Variants in MMP12 observed in about 807,000 individuals in gnomAD.
MMP12 encodes the protein macrophage metalloelastase.
Under a neutral mutation model 45.2 loss-of-function variants are expected in MMP12, and 51 were observed. The ratio of observed to expected loss-of-function variants is 1.13; its 90% CI spans 0.90 to 1.42. The LOEUF (loss-of-function observed/expected upper bound fraction) is 1.42, where lower values mean the gene tolerates loss of function less well. Among genes scored for constraint, MMP12 ranks in the 40% most tolerant of loss-of-function variants. MMP12 has a pLI of 0.00. For missense variants in MMP12, 530 were observed against 570.8 expected, an observed-to-expected ratio of 0.93 and a Z score of 0.73; for synonymous variants, 210 against 193.3, an observed-to-expected ratio of 1.09 and a Z score of -0.72.
intron 4 of MMP12, among the ~76,000 whole-genome samples, chr11:102,868,699 C>T (rs1859441305): frequency 6.6e-6 from 1 of 152,186 alleles, no homozygotes; most frequent in African/African-American, 2.4e-5. Context: ...GATGAGGAAA[C>T]AGTATTTATA....
rs556828211 is a variant in MMP12 at position 102,871,255 on chromosome 11, A to C, written c.625+339T>G. On this transcript the variant is annotated intron_variant, in intron 4 of 9. Coordinates refer to ENST00000571244, the MANE Select transcript of MMP12 (RefSeq NM_002426.6). The stretch of plus-strand genomic sequence containing the variant: ...AAAAAAAAAAACTTACCACCTAATT[A>C]ACAGCTTTTACCTTTTCATATTATG... Among the ~76,000 whole-genome samples, 8 of 152,208 alleles carry C rather than the reference A, an allele frequency of 5.3e-5. No homozygotes were observed. In the East Asian group the frequency reaches 1.5e-3, roughly 29 times the overall value.
At position 102,865,287 on chromosome 11, in the gene MMP12, GAC is replaced by G. The variant is rs1472725639; in HGVS notation, c.1205+487_1205+488del. ...AAATGTAGACAATTGAGACAACAGA[GAC>G]AGACACTCAAATGAGCTCCTATCCT... On this transcript the variant is annotated intron_variant, in intron 8 of 9. Transcript: ENST00000571244. This position sits in a 1 kb window ranked among gnomAD's most constrained non-coding sequence, Gnocchi z 4.1. Among the ~76,000 whole-genome samples, 3 of 152,180 alleles carry G rather than the reference GAC, an allele frequency of 2.0e-5. No individual in the cohort carries two copies. Among genetic ancestry groups the G allele is most frequent in the Non-Finnish European group, 4.4e-5 (3 of 68,036 alleles).
Position 102,865,636 on chromosome 11 carries a change from A to T in MMP12, c.1205+140T>A. 1.8e-6 allele frequency: 1 copy of T among 551,502 alleles called. No individual in the cohort carries two copies. Among genetic ancestry groups the T allele is most frequent in the Non-Finnish European group, 2.9e-6 (1 of 339,490 alleles). 34.2% of individuals were successfully genotyped at this position (551,502 alleles called of 1,614,324 possible). On this transcript the variant is annotated intron_variant, in intron 8 of 9. Transcript: ENST00000571244. The surrounding 1 kb of genome is among the most constrained non-coding windows in gnomAD (Gnocchi z 4.1). Reference sequence around the variant, plus strand: ...GAACTAAGTTGACAATAACTATTTCAGTCCTATATTCTCTTAATCTCTCTC... The same window carrying T: ...GAACTAAGTTGACAATAACTATTTCTGTCCTATATTCTCTTAATCTCTCTC...
At position 102,873,106 on chromosome 11, in the gene MMP12, A is replaced by T. The variant is rs201052180; in HGVS notation, c.109T>A (p.Leu37Ile). The T allele has an allele frequency of 6.8e-6, 11 of 1,611,198 alleles. No homozygotes were observed. The highest frequency in any genetic ancestry group is 8.5e-6 in the Non-Finnish European group (10 of 1,178,782). Residue 37 changes from leucine (L) to isoleucine (I), a missense_variant, in exon 2 of 10, where the codon TTA (leucine) becomes ATA (isoleucine). Physicochemically the swap from Leu to Ile is conservative, Grantham distance 5. Transcript: ENST00000571244. ...KNNVLFGERY[L>I]EKFYGLEINK... is the part of the protein sequence containing the mutation. Reference sequence around the variant, plus strand: ...ATCTCAAGGCCATAAAATTTTTCTAAGTATCTCTGGAAAAAAAAATACATT... The same window carrying T: ...ATCTCAAGGCCATAAAATTTTTCTATGTATCTCTGGAAAAAAAAATACATT...
chr11:102,866,318 T>TA lies in MMP12; in HGVS notation c.1041dup (p.Lys348Ter), dbSNP rs781869098. The TA allele has an allele frequency of 6.7e-5, 106 of 1,574,526 alleles. No individual in the cohort carries two copies. The South Asian group carries it at 1.1e-3, about 17-fold the overall frequency. ...CAAAACTAAAGATTAGAATTACCTT[T>TA]AAAAAGAAAAACTTGATTTCTGGCT... On this transcript the variant is annotated frameshift_variant, in exon 7 of 10. Transcript: ENST00000571244. LOFTEE classifies it high-confidence loss of function.
At chr11:102,867,172 T>C in intron 6 of MMP12, 98 bp downstream of exon 6, 6 of 1,149,106 alleles carry the variant, frequency 5.2e-6, no homozygotes, top group Non-Finnish European at 7.1e-6. Flanking sequence ...GCTTACAAGT[T>C]TCATCTACTT....
rs782695441 is a variant in MMP12, at chr11:102,865,752, G to A, written c.1205+24C>T. On this transcript the variant is annotated intron_variant, in intron 8 of 9. Transcript: ENST00000571244. The surrounding 1 kb of genome is among the most constrained non-coding windows in gnomAD (Gnocchi z 4.1). ...TATCTGTTTCACAATCTGAGGGGTC[G>A]AATGACCAACCATTAAAACTCACCT... The A allele has an allele frequency of 1.3e-5, 21 of 1,585,134 alleles. No individual in the cohort carries two copies. Among genetic ancestry groups the A allele is most frequent in the African/African-American group, 9.4e-5 (7 of 74,254 alleles).
chr11:102,868,191 G>T, intron 4 of MMP12, 122 bp from the exon 5 acceptor site: 1 of 898,956 alleles, frequency 1.1e-6, no homozygotes, highest in Non-Finnish European at 1.7e-6. Flanking sequence ...TTACCCTTTT[G>T]AGTTGGGTTT....
Position 102,868,007 on chromosome 11 carries a change from T to C in MMP12, c.688A>G (p.Ser230Gly), listed in dbSNP as rs1859426332. ...GGGAACATTACGGCCTTTGGATCAC[T>C]AGAATGGCCAAGACCTAAGGAATGG... ...IGHSLGLGHS[S>G]DPKAVMFPTY... Residue 230 changes from serine (S) to glycine (G), a missense_variant, in exon 5 of 10, where the codon AGT becomes GGT. Ser to Gly is a moderately conservative substitution (Grantham distance 56). Transcript: ENST00000571244. 1 of 1,605,942 alleles carries C rather than the reference T, an allele frequency of 6.2e-7. No homozygotes were observed. Among genetic ancestry groups the C allele is most frequent in the African/African-American group, 1.3e-5 (1 of 74,936 alleles).
At position 102,865,679 on chromosome 11, in the gene MMP12, C is replaced by G. The variant is rs1555008400; in HGVS notation, c.1205+97G>C. Reference sequence around the variant, plus strand: ...TCTCTCTCCCTGGAAGGTCAAGGAGCTTTGGGAATTTGCGCAGAAAATGTG... The same window carrying G: ...TCTCTCTCCCTGGAAGGTCAAGGAGGTTTGGGAATTTGCGCAGAAAATGTG... On this transcript the variant is annotated intron_variant, in intron 8 of 9. Transcript: ENST00000571244. This position sits in a 1 kb window ranked among gnomAD's most constrained non-coding sequence, Gnocchi z 4.1. The G allele has an allele frequency of 3.1e-6, 3 of 971,674 alleles. No homozygotes were observed. The highest frequency in any genetic ancestry group is 4.4e-6 in the Non-Finnish European group (3 of 679,842). 60.2% of individuals were successfully genotyped at this position (971,674 alleles called of 1,614,324 possible). A position where few individuals can be genotyped will look rare whatever the true frequency, so the allele number is the denominator to read the frequency against.
At chr11:102,871,510 G>C in intron 4 of MMP12, 84 bp downstream of exon 4, 1 of 1,492,460 alleles carries the variant, frequency 6.7e-7, no homozygotes, top group Non-Finnish European at 9.0e-7. Context: ...CTCGAAACCA[G>C]AATTTTGAAT....
chr11:102,872,751 A>G, intron 2 of MMP12, 114 bp downstream of exon 2: 2 of 1,125,352 alleles, frequency 1.8e-6, no homozygotes, highest in Non-Finnish European at 2.5e-6. Flanking sequence ...AGCATTAACA[A>G]TGGAGGGAGG....
Position 102,865,923 on chromosome 11 carries a change from C to T in MMP12, c.1058G>A (p.Trp353Ter), listed in dbSNP as rs975730315. 3 of 1,609,266 alleles carry T rather than the reference C, an allele frequency of 1.9e-6. No homozygotes were observed. Among genetic ancestry groups the T allele is most frequent in the Admixed American group, 1.7e-5 (1 of 59,772 alleles). ...QVFLFKDDKY[W>*]LISNLRPEPN... ...CTCTGGTCTTAAATTGCTAATTAAC[C>T]AGTATTTGTCATCTGTGAAGACAAA... Residue 353 changes from tryptophan to a stop codon, truncating the protein, a stop_gained, in exon 8 of 10, where the codon TGG (tryptophan) becomes TAG (stop). Transcript: ENST00000571244. LOFTEE classifies it high-confidence loss of function. This position sits in a 1 kb window ranked among gnomAD's most constrained non-coding sequence, Gnocchi z 4.1.
chr11:102,867,436 T>C (rs369091472), intron 5 of MMP12, 43 bp from the exon 6 acceptor site: 1 of 1,570,024 alleles, frequency 6.4e-7, no homozygotes. Context: ...AAAATCTGCA[T>C]TGTAGTTCAG....
At chr11:102,874,775 A>T in intron 1 of MMP12, 61 bp downstream of exon 1, 1 of 1,108,178 alleles carries the variant, frequency 9.0e-7, no homozygotes, top group Non-Finnish European at 1.3e-6. Flanking sequence ...AAACTGGTTA[A>T]TGCAATTAAA....
chr11:102,871,039 G>A (rs1859483965), intron 4 of MMP12, among the ~76,000 whole-genome samples: 2 of 152,084 alleles, frequency 1.3e-5, no homozygotes, highest in Admixed American at 1.3e-4. Flanking sequence ...GGAGGATCTC[G>A]AGGCAACATA....
intron 4 of MMP12, among the ~76,000 whole-genome samples, chr11:102,869,507 G>A (rs1555009088): frequency 6.6e-6 from 1 of 152,126 alleles, no homozygotes; most frequent in Non-Finnish European, 1.5e-5. Flanking sequence ...CTCAGGGGTT[G>A]AATTGTGTAC....
chr11:102,868,782 T>C (rs1159991343), intron 4 of MMP12, among the ~76,000 whole-genome samples: 7 of 151,868 alleles, frequency 4.6e-5, no homozygotes, highest in African/African-American at 1.7e-4. Flanking sequence ...CTAAATAAAA[T>C]TAAAGAGTCT....
In MMP12 at chr11:102,864,269, C is replaced by A; in HGVS notation, c.1206-17G>T. The A allele has an allele frequency of 6.4e-7, 1 of 1,557,926 alleles. No individual in the cohort carries two copies. The highest frequency in any genetic ancestry group is 8.9e-7 in the Non-Finnish European group (1 of 1,129,742). On this transcript the variant is annotated splice_polypyrimidine_tract_variant and intron_variant, in intron 8 of 9. Coordinates refer to ENST00000571244, the MANE Select transcript of MMP12 (RefSeq NM_002426.6). ...TCATCATACCTGAGCAAAGAAGTAA[C>A]CAGCAGGAACTCAATCAGAAAGTGG...
Sources: gnomAD v4.1 joint callset for allele counts (sites outside exome capture counted in the v4.1 genomes callset) on GRCh38, gnomAD v4.1.1 for gene constraint, Gnocchi (gnomAD v3.1) non-coding constraint, MANE v1.5 for transcripts, NCBI Gene and HGNC (gene_info 2026-07-23, HGNC 2026-07-21) for gene names.